RUSC2: variants seen among roughly 807,000 people sequenced by gnomAD.
RUSC2 encodes the protein AP-4 complex accessory subunit RUSC2.
RUSC2 carries 34 observed loss-of-function variants against 122.2 expected under a neutral mutation model. That is an observed-to-expected ratio of 0.28 (90% confidence interval 0.21 to 0.37). The LOEUF (loss-of-function observed/expected upper bound fraction) is 0.37. RUSC2 is among the 10% of genes least tolerant of loss of function. The probability of loss-of-function intolerance (pLI) is 1.00; values close to 1 mark genes in which losing one functional copy is unlikely to be tolerated. For synonymous variants in RUSC2, 784 were observed against 790.0 expected (o/e 0.99, Z 0.13); for missense variants, 1,747 against 1,952.4 (o/e 0.89, Z 1.98).
intron 1 of RUSC2, among the ~76,000 whole-genome samples, chr9:35,521,371 G>A (rs1821211070): frequency 6.6e-6 from 1 of 152,278 alleles, no homozygotes; most frequent in African/African-American, 2.4e-5. Flanking sequence ...AATCCCTTTT[G>A]AGCATAGAGA....
chr9:35,493,539 C>T (rs192916627), intron 1 of RUSC2, among the ~76,000 whole-genome samples: 67 of 152,198 alleles, frequency 4.4e-4, no homozygotes, highest in African/African-American at 1.6e-3. Context: ...AGTCTCCCTC[C>T]ATCAACCAGG....
intron 1 of RUSC2, among the ~76,000 whole-genome samples, chr9:35,531,369 G>T (rs777475548): frequency 7.9e-5 from 12 of 152,180 alleles, no homozygotes; most frequent in Admixed American, 4.6e-4. Flanking sequence ...CCTTGTGCCT[G>T]TATATGTGAT....
intron 1 of RUSC2, among the ~76,000 whole-genome samples, chr9:35,530,577 C>T (rs189180270): frequency 3.9e-5 from 6 of 152,120 alleles, no homozygotes; most frequent in East Asian, 1.9e-4. Flanking sequence ...AGAGTATATT[C>T]GGCATGTGAC....
Position 35,555,553 on chromosome 9 carries a change from G to C in RUSC2, c.2508G>C (p.Glu836Asp), listed in dbSNP as rs776259002. 1.2e-6 allele frequency: 2 copies of C among 1,614,018 alleles called. No homozygotes were observed. The highest frequency in any genetic ancestry group is 1.7e-6 in the Non-Finnish European group (2 of 1,180,040). ...RPATSQQPQK[E>D]DQKILTLTEY... ...CCACCTCCCAGCAGCCGCAGAAGGA[G>C]GATCAGAAGATACTGACCTTGACTG... The change falls in exon 3 of 12, where the codon GAG becomes GAC. Residue 836 changes from glutamate (E) to aspartate (D), a missense_variant. Glu to Asp is a conservative substitution (Grantham distance 45, BLOSUM62 2). Coordinates refer to ENST00000361226, the MANE Select transcript of RUSC2 (RefSeq NM_014806.5). The surrounding 1 kb of genome is among the most constrained non-coding windows in gnomAD (Gnocchi z 4.6).
At chr9:35,560,916 A>G (rs200894953) in intron 10 of RUSC2, 44 bp from the exon 11 acceptor site, 1 of 1,602,480 alleles carries the variant, frequency 6.2e-7, no homozygotes, top group East Asian at 2.2e-5. Flanking sequence ...GGGCACGGGC[A>G]GAGCCCATCC....
At chr9:35,504,675 G>A (rs1820879857) in intron 1 of RUSC2, among the ~76,000 whole-genome samples, 1 of 152,078 alleles carries the variant, frequency 6.6e-6, no homozygotes, top group Admixed American at 6.5e-5. Flanking sequence ...ACGTTGGCCA[G>A]ACTGGTTTTA....
intron 1 of RUSC2, among the ~76,000 whole-genome samples, chr9:35,518,073 G>A (rs936601308): frequency 6.6e-6 from 1 of 152,208 alleles, no homozygotes; most frequent in African/African-American, 2.4e-5. Flanking sequence ...TTTCCAGATG[G>A]AGCTAAGATC....
chr9:35,503,279 A>G (rs1400708181), intron 1 of RUSC2, among the ~76,000 whole-genome samples: 1 of 152,108 alleles, frequency 6.6e-6, no homozygotes, highest in Non-Finnish European at 1.5e-5. Context: ...TTACTCCTCT[A>G]GTCCCCAAAG....
At position 35,556,234 on chromosome 9, in the gene RUSC2, G is replaced by A. The variant is rs1054952219; in HGVS notation, c.2843-74G>A. The A allele has an allele frequency of 8.0e-5, 128 of 1,597,828 alleles. 1 individual carries two copies. In the Middle Eastern group the frequency reaches 1.9e-3, roughly 23 times the overall value. On this transcript the variant is annotated intron_variant, in intron 4 of 11. Transcript: ENST00000361226. ...AGTCCCAAAGGAACGTGTCTCAGAC[G>A]GTACGAGGCACTGAACTGGCCTGGA...
At position 35,557,330 on chromosome 9, in the gene RUSC2, G is replaced by A. The variant is rs1186887123; in HGVS notation, c.2984-584G>A. Among the ~76,000 whole-genome samples the A allele has an allele frequency of 3.3e-5, 5 of 152,156 alleles. No homozygotes were observed. The highest frequency in any genetic ancestry group is 7.3e-5 in the Non-Finnish European group (5 of 68,030). On this transcript the variant is annotated intron_variant, in intron 5 of 11. Coordinates refer to ENST00000361226, the MANE Select transcript of RUSC2 (RefSeq NM_014806.5). This position sits in a 1 kb window ranked among gnomAD's most constrained non-coding sequence, Gnocchi z 4.6. ...GGAAACGGCCACCTTCCTCCAGGAC[G>A]CGAAGGGGATGCAAGTGGGCAGGGG...
At position 35,555,687 on chromosome 9, in the gene RUSC2, C is replaced by T. The variant is rs200605865; in HGVS notation, c.2642C>T (p.Thr881Ile). 6.3e-7 allele frequency: 1 copy of T among 1,591,366 alleles called. No individual in the cohort carries two copies. Among genetic ancestry groups the T allele is most frequent in the Admixed American group, 1.8e-5 (1 of 55,100 alleles). The stretch of plus-strand genomic sequence containing the variant: ...GGAGGTGGTGAGGGCAGCATGGCCA[C>T]CAGGCCCAGTAATGGTACGAGCTCC... ...ARGGGEGSMA[T>I]RPSNANHLSP... Residue 881 changes from threonine to isoleucine, a missense_variant, in exon 3 of 12, where the codon ACC becomes ATC. By Grantham distance (89) the Thr-to-Ile change is moderately conservative (BLOSUM62 -1). Coordinates refer to ENST00000361226, the MANE Select transcript of RUSC2 (RefSeq NM_014806.5). This position sits in a 1 kb window ranked among gnomAD's most constrained non-coding sequence, Gnocchi z 4.6.
intron 1 of RUSC2, among the ~76,000 whole-genome samples, chr9:35,499,162 A>G (rs1820775101): frequency 6.6e-6 from 1 of 151,142 alleles, no homozygotes; most frequent in African/African-American, 2.4e-5. Flanking sequence ...TGGCATGCAC[A>G]TGTAATCCCA....
chr9:35,546,757 G>C lies in RUSC2; in HGVS notation c.236G>C (p.Arg79Pro), dbSNP rs143569329. 10 of 1,589,908 alleles carry C rather than the reference G, an allele frequency of 6.3e-6. No individual in the cohort carries two copies. The highest frequency in any genetic ancestry group is 1.3e-5 in the African/African-American group (1 of 74,478). ...CACTCTACTCCAGGAGGAACTGCAC[G>C]GTCTATAGACAGCACCAAGAGTAGG... ...SLHSTPGGTA[R>P]SIDSTKSRSR... is the part of the protein sequence containing the mutation. The change falls in exon 2 of 12, where the codon CGG (arginine) becomes CCG (proline). Residue 79 changes from arginine (R) to proline (P), a missense_variant. Arg to Pro is a moderately radical substitution (Grantham distance 103). Coordinates refer to ENST00000361226, the MANE Select transcript of RUSC2 (RefSeq NM_014806.5). This position sits in a 1 kb window ranked among gnomAD's most constrained non-coding sequence, Gnocchi z 4.3.
At chr9:35,495,590 A>G (rs954823321) in intron 1 of RUSC2, among the ~76,000 whole-genome samples, 10 of 152,078 alleles carry the variant, frequency 6.6e-5, no homozygotes, top group Non-Finnish European at 1.5e-5. Flanking sequence ...TAAGTTTGGA[A>G]AATCAAGAAT....
intron 1 of RUSC2, among the ~76,000 whole-genome samples, chr9:35,531,420 A>T (rs1042069950): frequency 1.3e-5 from 2 of 152,222 alleles, no homozygotes; most frequent in African/African-American, 4.8e-5. Flanking sequence ...AAAACTAGTT[A>T]GAAGACTATA....
In RUSC2 at chr9:35,506,109, C is replaced by A. The variant is rs529318388; in HGVS notation, c.-93+15937C>A. ...ATCTTAAGGAATCCATAAAAACTAT[C>A]ATAACTAATAAACTAGTTCAGTAAG... On this transcript the variant is annotated intron_variant, in intron 1 of 11. Coordinates refer to ENST00000361226, the MANE Select transcript of RUSC2 (RefSeq NM_014806.5). 2.6e-5 allele frequency among the ~76,000 whole-genome samples: 4 copies of A among 152,254 alleles called. No individual in the cohort carries two copies. The East Asian group carries it at 7.7e-4, about 29-fold the overall frequency.
chr9:35,556,161 C>T (rs376577973), intron 4 of RUSC2, 24 bp downstream of exon 4: 1 of 1,611,098 alleles, frequency 6.2e-7, no homozygotes, highest in Non-Finnish European at 8.5e-7. Flanking sequence ...GTCCCCAGTA[C>T]ACCCGGGGCA....
In RUSC2 at chr9:35,555,975, C is replaced by T; in HGVS notation, c.2680C>T (p.Leu894Phe). Residue 894 changes from leucine to phenylalanine, a missense_variant, in exon 4 of 12, where the codon CTC becomes TTC. Coordinates refer to ENST00000361226, the MANE Select transcript of RUSC2 (RefSeq NM_014806.5). This position sits in a 1 kb window ranked among gnomAD's most constrained non-coding sequence, Gnocchi z 4.6. ...SNANHLSPQALKWREYRRKNP... is the reference protein window; with the variant it reads ...SNANHLSPQAFKWREYRRKNP... Reference sequence around the variant, plus strand: ...AGCCAACCACCTATCCCCTCAAGCCCTCAAGTGGCGGGAATACAGGAGGAA... The same window carrying T: ...AGCCAACCACCTATCCCCTCAAGCCTTCAAGTGGCGGGAATACAGGAGGAA... 1 of 1,614,210 alleles carries T rather than the reference C, an allele frequency of 6.2e-7. No homozygotes were observed. Among genetic ancestry groups the T allele is most frequent in the Non-Finnish European group, 8.5e-7 (1 of 1,180,028 alleles).
In RUSC2 at chr9:35,561,385, C is replaced by T. The variant is rs1170001620; in HGVS notation, c.*3C>T. ...CCCCTGGAAGCAGCCAAAACTGAGGCCCTGTGCATGCTGGTGGCCTCAGGG... is the reference window on the plus strand; with the variant it reads ...CCCCTGGAAGCAGCCAAAACTGAGGTCCTGTGCATGCTGGTGGCCTCAGGG... On this transcript the variant is annotated 3_prime_UTR_variant, in exon 12 of 12. Coordinates refer to ENST00000361226, the MANE Select transcript of RUSC2 (RefSeq NM_014806.5). 2 of 1,607,266 alleles carry T rather than the reference C, an allele frequency of 1.2e-6. No homozygotes were observed. The highest frequency in any genetic ancestry group is 2.2e-5 in the East Asian group (1 of 44,874).
Sources: allele counts gnomAD v4.1 joint callset (sites outside exome capture counted in the v4.1 genomes callset), GRCh38; gene constraint gnomAD v4.1.1; non-coding constraint Gnocchi (gnomAD v3.1); transcripts MANE v1.5; gene names NCBI Gene and HGNC (gene_info 2026-07-23, HGNC 2026-07-21).